Variants in CADPS observed in about 807,000 individuals in gnomAD.
CADPS encodes the protein calcium dependent secretion activator.
A neutral mutation model predicts 167.3 loss-of-function variants in CADPS; 57 were observed. The observed-to-expected ratio is 0.34, with a 90% CI of 0.28 to 0.42. The LOEUF is 0.42. Among genes scored for constraint, CADPS ranks in the 20% least tolerant of loss-of-function variants. The pLI is 1.00. For synonymous variants in CADPS, 676 were observed against 635.3 expected, an observed-to-expected ratio of 1.06 and a Z score of -0.96; for missense variants, 1,414 against 1,738.1, an observed-to-expected ratio of 0.81 and a Z score of 3.32.
At position 62,458,778 on chromosome 3, in the gene CADPS, G is replaced by C. The variant is rs2058997942; in HGVS notation, c.3636+6589C>G. Among the ~76,000 whole-genome samples, 2 of 152,122 alleles carry C rather than the reference G, an allele frequency of 1.3e-5. No individual in the cohort carries two copies. The highest frequency in any genetic ancestry group is 3.9e-4 in the East Asian group (2 of 5,182). On this transcript the variant is annotated intron_variant, in intron 26 of 29. Coordinates refer to ENST00000383710, the MANE Select transcript of CADPS (RefSeq NM_003716.4). The surrounding 1 kb of genome is among the most constrained non-coding windows in gnomAD (Gnocchi z 4.6). Reference sequence around the variant, plus strand: ...TGCTGGGAAATACCCATATTCTTTAGGTATTTCTTTTGTAGCTAGCATTTC... The same window carrying C: ...TGCTGGGAAATACCCATATTCTTTACGTATTTCTTTTGTAGCTAGCATTTC...
rs1339522614 is a variant in CADPS at position 62,874,996 on chromosome 3, C to T, written c.34G>A (p.Asp12Asn). The T allele has an allele frequency of 2.5e-6, 4 of 1,596,900 alleles. No individual in the cohort carries two copies. The highest frequency in any genetic ancestry group is 3.4e-5 in the Admixed American group (2 of 59,236). The change falls in exon 1 of 30, where the codon GAT (aspartate) becomes AAT (asparagine). Residue 12 changes from aspartate to asparagine, a missense_variant. Asp to Asn is a conservative substitution (Grantham distance 23). Around this residue, in one of 6 missense-constraint regions of CADPS, gnomAD observed 522 missense variants for 559.5 expected, o/e 0.93. Coordinates refer to ENST00000383710, the MANE Select transcript of CADPS (RefSeq NM_003716.4). The surrounding 1 kb of genome is among the most constrained non-coding windows in gnomAD (Gnocchi z 7.1). Reference sequence around the variant, plus strand: ...CCGCTCTCCTCCTCCACGATCTCATCCGATTCTTCTTCGCTGGACGAAGGG... The same window carrying T: ...CCGCTCTCCTCCTCCACGATCTCATTCGATTCTTCTTCGCTGGACGAAGGG... ...LDPSSSEEES[D>N]EIVEEESGKE...
intron 3 of CADPS, among the ~76,000 whole-genome samples, chr3:62,750,498 G>A (rs1054132967): frequency 9.2e-5 from 14 of 151,770 alleles, no homozygotes; most frequent in Admixed American, 9.2e-4. Flanking sequence ...CAATTCAGAA[G>A]ATAACTTTCT....
intron 7 of CADPS, among the ~76,000 whole-genome samples, chr3:62,590,443 T>C (rs967196971): frequency 6.6e-6 from 1 of 152,218 alleles, no homozygotes; most frequent in Non-Finnish European, 1.5e-5. Context: ...TGAGTATCGT[T>C]TCTCAAAGAA....
intron 3 of CADPS, among the ~76,000 whole-genome samples, chr3:62,678,848 T>A (rs1563742600): frequency 1.3e-5 from 2 of 151,802 alleles, no homozygotes; most frequent in Non-Finnish European, 2.9e-5. Flanking sequence ...CAGGGCTTAT[T>A]AAAAGGTGTC....
intron 26 of CADPS, among the ~76,000 whole-genome samples, chr3:62,462,008 G>A (rs1414625355): frequency 6.6e-6 from 1 of 152,196 alleles, no homozygotes; most frequent in Non-Finnish European, 1.5e-5. Flanking sequence ...ACTTGCAGAG[G>A]ACAGAGGAAA....
chr3:62,645,222 G>C (rs909436332), intron 6 of CADPS, among the ~76,000 whole-genome samples: 3 of 152,068 alleles, frequency 2.0e-5, no homozygotes, highest in Non-Finnish European at 4.4e-5. Flanking sequence ...GGGGGTAACG[G>C]ATAACAGACT....
At chr3:62,766,464 T>C (rs138043645) in intron 1 of CADPS, among the ~76,000 whole-genome samples, 1 of 152,130 alleles carries the variant, frequency 6.6e-6, no homozygotes, top group East Asian at 1.9e-4. Context: ...TCCTGAGAAA[T>C]GGTTGTTAAA....
chr3:62,623,043 C>G (rs1346951651), intron 6 of CADPS, among the ~76,000 whole-genome samples: 3 of 152,134 alleles, frequency 2.0e-5, no homozygotes, highest in African/African-American at 4.8e-5. Context: ...TTGAAATGCA[C>G]CTTTGTTATT....
intron 6 of CADPS, among the ~76,000 whole-genome samples, chr3:62,643,913 T>C (rs2067970287): frequency 6.6e-6 from 1 of 152,198 alleles, no homozygotes; most frequent in Admixed American, 6.5e-5. Flanking sequence ...ATTTCATCAA[T>C]GGCAGTAAAA....
At chr3:62,832,134 A>G (rs1352284887) in intron 1 of CADPS, among the ~76,000 whole-genome samples, 2 of 152,226 alleles carry the variant, frequency 1.3e-5, no homozygotes, top group Non-Finnish European at 2.9e-5. Flanking sequence ...AAACAGAACC[A>G]ACACAGGAGG....
At chr3:62,700,697 A>G (rs1001465701) in intron 3 of CADPS, among the ~76,000 whole-genome samples, 1 of 152,084 alleles carries the variant, frequency 6.6e-6, no homozygotes, top group Non-Finnish European at 1.5e-5. Context: ...TAATTGTCAC[A>G]GCGACTCTAT....
At chr3:62,872,094 T>A (rs1436264291) in intron 1 of CADPS, among the ~76,000 whole-genome samples, 1 of 148,374 alleles carries the variant, frequency 6.7e-6, no homozygotes, top group Non-Finnish European at 1.5e-5. Flanking sequence ...CTGACCTCCA[T>A]ATCATCCTAT....
intron 3 of CADPS, among the ~76,000 whole-genome samples, chr3:62,711,562 C>A (rs1003513191): frequency 6.6e-6 from 1 of 152,184 alleles, no homozygotes; most frequent in Non-Finnish European, 1.5e-5. Flanking sequence ...GGATTATGAG[C>A]CTTAGCTAGT....
chr3:62,657,375 TA>T (rs1212517666), intron 4 of CADPS, among the ~76,000 whole-genome samples: 2 of 152,158 alleles, frequency 1.3e-5, no homozygotes, highest in Admixed American at 1.3e-4. Flanking sequence ...TTGTCTTAAA[TA>T]ATTAGCTCAA....
intron 1 of CADPS, among the ~76,000 whole-genome samples, chr3:62,810,906 A>G (rs1331964456): frequency 6.6e-6 from 1 of 152,244 alleles, no homozygotes; most frequent in Non-Finnish European, 1.5e-5. Flanking sequence ...CTATCAGTTA[A>G]GCTGAGCTTT....
At chr3:62,828,207 C>T (rs549846) in intron 1 of CADPS, among the ~76,000 whole-genome samples, 21,060 of 152,116 alleles carry the variant, frequency 0.14, 4,052 homozygotes, top group African/African-American at 0.43. Context: ...TCTACTGACA[C>T]ATGGTGCAGG....
At chr3:62,776,908 A>G (rs1024690313) in intron 1 of CADPS, among the ~76,000 whole-genome samples, 6 of 152,146 alleles carry the variant, frequency 3.9e-5, no homozygotes, top group African/African-American at 1.2e-4. Context: ...GTGAGGAAAG[A>G]CAAGATGAGA....
At chr3:62,462,317 A>G (rs2059447926) in intron 26 of CADPS, among the ~76,000 whole-genome samples, 1 of 152,272 alleles carries the variant, frequency 6.6e-6, no homozygotes, top group Non-Finnish European at 1.5e-5. Flanking sequence ...GCTGGCACGA[A>G]GAAGCCACAT....
chr3:62,525,445 G>C (rs1171642477), intron 13 of CADPS, among the ~76,000 whole-genome samples: 4 of 152,134 alleles, frequency 2.6e-5, no homozygotes, highest in African/African-American at 9.7e-5. Flanking sequence ...TACTTGCTCA[G>C]AATTGGAAGG....
Sources: allele counts gnomAD v4.1 joint callset (sites outside exome capture counted in the v4.1 genomes callset), GRCh38; gene constraint gnomAD v4.1.1; regional missense constraint gnomAD v4.1.1; non-coding constraint Gnocchi (gnomAD v3.1); transcripts MANE v1.5; gene names NCBI Gene and HGNC (gene_info 2026-07-23, HGNC 2026-07-21).